Variants in DOCK4 observed in about 807,000 individuals in gnomAD.
The protein encoded by DOCK4 is dedicator of cytokinesis protein 4.
A neutral mutation model predicts 268.1 loss-of-function variants in DOCK4; 97 were observed. That is an observed-to-expected ratio of 0.36 (90% CI 0.31 to 0.43). The LOEUF is 0.43. Ranked by LOEUF, DOCK4 falls within the 20% of genes least tolerant of loss-of-function variation. The probability of loss-of-function intolerance (pLI) is 1.00; values close to 1 mark genes in which losing one functional copy is unlikely to be tolerated. For synonymous variants in DOCK4, 954 were observed against 887.2 expected (o/e 1.08, Z -1.34); for missense variants, 2,145 against 2,455.7 (o/e 0.87, Z 2.67).
At chr7:112,081,211 A>G (rs1204215315) in intron 1 of DOCK4, among the ~76,000 whole-genome samples, 2 of 152,180 alleles carry the variant, frequency 1.3e-5, no homozygotes, top group Non-Finnish European at 1.5e-5. Flanking sequence ...CCTGTGGGCA[A>G]TTCAAGGAAG....
intron 1 of DOCK4, among the ~76,000 whole-genome samples, chr7:112,124,382 A>G (rs1239352234): frequency 2.0e-5 from 3 of 152,234 alleles, no homozygotes; most frequent in East Asian, 1.9e-4. Context: ...TGTATAAAGC[A>G]TAAGTGAGAA....
At chr7:111,837,038 C>T (rs376010018) in intron 25 of DOCK4, among the ~76,000 whole-genome samples, 7 of 151,942 alleles carry the variant, frequency 4.6e-5, no homozygotes, top group African/African-American at 1.7e-4. Flanking sequence ...TCTCCACAAA[C>T]CCCAAGCACA....
chr7:112,119,957 CCTGCCT>C (rs1812579863), intron 1 of DOCK4, among the ~76,000 whole-genome samples: 2 of 151,962 alleles, frequency 1.3e-5, no homozygotes, highest in South Asian at 2.1e-4. Flanking sequence ...ACACCATTCT[CCTGCCT>C]CAGCCTCCCA....
At chr7:112,100,490 A>G (rs1489273264) in intron 1 of DOCK4, among the ~76,000 whole-genome samples, 2 of 152,268 alleles carry the variant, frequency 1.3e-5, no homozygotes, top group East Asian at 1.9e-4. Flanking sequence ...CTTCCCTCTG[A>G]GCCTGCTAGA....
intron 1 of DOCK4, among the ~76,000 whole-genome samples, chr7:112,153,824 A>G (rs993464160): frequency 2.6e-5 from 4 of 152,214 alleles, no homozygotes; most frequent in African/African-American, 9.6e-5. Context: ...TAAGCAAGCA[A>G]TGTGTGCAAG....
intron 8 of DOCK4, 57 bp downstream of exon 8, chr7:111,977,075 C>G: frequency 6.3e-7 from 1 of 1,584,728 alleles, no homozygotes; most frequent in Non-Finnish European, 8.6e-7. Context: ...TTGCCAATCA[C>G]AAATATCCAC....
intron 1 of DOCK4, among the ~76,000 whole-genome samples, chr7:112,155,030 T>C (rs1277614719): frequency 6.6e-6 from 1 of 152,208 alleles, no homozygotes; most frequent in African/African-American, 2.4e-5. Context: ...TGAGTCTCTA[T>C]TGACTTTGAC....
intron 1 of DOCK4, among the ~76,000 whole-genome samples, chr7:112,173,594 A>G (rs964937763): frequency 6.6e-6 from 1 of 152,042 alleles, no homozygotes; most frequent in Non-Finnish European, 1.5e-5. Context: ...GTGGCTTTCC[A>G]AGTAGGTATT....
At chr7:111,974,213 T>G (rs1329700995) in intron 8 of DOCK4, among the ~76,000 whole-genome samples, 1 of 152,170 alleles carries the variant, frequency 6.6e-6, no homozygotes, top group Non-Finnish European at 1.5e-5. Flanking sequence ...TGAACCAAAC[T>G]GACTCATTAC....
chr7:112,129,641 G>A (rs897157794), intron 1 of DOCK4, among the ~76,000 whole-genome samples: 1 of 152,120 alleles, frequency 6.6e-6, no homozygotes, highest in African/African-American at 2.4e-5. Context: ...GCTGAGTGAA[G>A]GGTACATAAA....
At chr7:111,867,906 T>G (rs1427089967) in intron 22 of DOCK4, 78 bp downstream of exon 22, 1 of 1,284,598 alleles carries the variant, frequency 7.8e-7, no homozygotes, top group African/African-American at 1.5e-5. Flanking sequence ...GAGAAAACAT[T>G]TGATTACGCT....
intron 15 of DOCK4, among the ~76,000 whole-genome samples, chr7:111,896,648 T>C (rs1379627312): frequency 6.6e-6 from 1 of 152,160 alleles, no homozygotes; most frequent in Non-Finnish European, 1.5e-5. Context: ...AGCATTATAC[T>C]TGAACAGACA....
intron 1 of DOCK4, among the ~76,000 whole-genome samples, chr7:112,152,354 T>C (rs757459017): frequency 5.9e-5 from 9 of 152,176 alleles, no homozygotes; most frequent in Non-Finnish European, 1.0e-4. Flanking sequence ...ACTACAGATT[T>C]TCCATCAAAT....
At chr7:112,177,530 T>G (rs1818637924) in intron 1 of DOCK4, among the ~76,000 whole-genome samples, 1 of 152,182 alleles carries the variant, frequency 6.6e-6, no homozygotes, top group African/African-American at 2.4e-5. Context: ...TGAAAATACA[T>G]GGTTTCCTCA....
At chr7:111,942,873 T>C (rs1795321374) in intron 10 of DOCK4, among the ~76,000 whole-genome samples, 2 of 152,194 alleles carry the variant, frequency 1.3e-5, no homozygotes, top group African/African-American at 4.8e-5. Flanking sequence ...CTTACCATTG[T>C]TCCACCTGTG....
At chr7:111,992,936 A>C (rs1799651637) in intron 5 of DOCK4, among the ~76,000 whole-genome samples, 1 of 152,204 alleles carries the variant, frequency 6.6e-6, no homozygotes, top group South Asian at 2.1e-4. Context: ...AAATTTAAAA[A>C]GGAGATCTGC....
At chr7:111,944,671 A>T (rs775034628) in intron 10 of DOCK4, 140 bp downstream of exon 10, 4 of 816,700 alleles carry the variant, frequency 4.9e-6, no homozygotes, top group Non-Finnish European at 8.0e-6. Flanking sequence ...ACAATTCACA[A>T]CTTCTGTGAT....
chr7:112,071,695 C>G (rs1001930320), intron 1 of DOCK4, among the ~76,000 whole-genome samples: 1 of 152,142 alleles, frequency 6.6e-6, no homozygotes, highest in Non-Finnish European at 1.5e-5. Flanking sequence ...TCTAACCTTT[C>G]AATGTATTTT....
At chr7:111,766,205 G>A (rs574387216) in intron 38 of DOCK4, among the ~76,000 whole-genome samples, 41 of 152,326 alleles carry the variant, frequency 2.7e-4, no homozygotes, top group Admixed American at 5.2e-4. Flanking sequence ...ATGAAATACT[G>A]TGCCAAAAGG....
Sources: gnomAD v4.1 joint callset for allele counts (sites outside exome capture counted in the v4.1 genomes callset) on GRCh38, gnomAD v4.1.1 for gene constraint, MANE v1.5 for transcripts, NCBI Gene and HGNC (gene_info 2026-07-23, HGNC 2026-07-21) for gene names.